Variants in STS observed in about 807,000 individuals in gnomAD.
The protein encoded by STS is steroid sulfatase, also known as steryl-sulfatase.
A neutral mutation model predicts 26.8 loss-of-function variants in STS; 7 were observed. The observed-to-expected ratio is 0.26, with a 90% CI of 0.15 to 0.49. The LOEUF (loss-of-function observed/expected upper bound fraction) is 0.49, where lower values mean the gene tolerates loss of function less well. STS is among the 20% of genes least tolerant of loss of function. The pLI is 0.98. For missense variants in STS, 434 were observed against 465.6 expected, an observed-to-expected ratio of 0.93 and a Z score of 0.63; for synonymous variants, 199 against 189.4, an observed-to-expected ratio of 1.05 and a Z score of -0.42.
intron 2 of STS, among the ~76,000 whole-genome samples, chrX:7,225,261 G>A (rs1481553170): frequency 1.8e-5 from 2 of 111,883 alleles, no homozygotes; most frequent in Non-Finnish European, 3.8e-5. Flanking sequence ...AGAATGGTCT[G>A]ATGTTGTTTC....
chrX:7,319,443 G>A (rs1176871163), intron 8 of STS, among the ~76,000 whole-genome samples: 2 of 110,370 alleles, frequency 1.8e-5, no homozygotes, highest in African/African-American at 6.6e-5. Context: ...TTACAGACAT[G>A]AGCCACTGCA....
chrX:7,203,962 T>C (rs1487835901), intron 2 of STS, among the ~76,000 whole-genome samples: 1 of 110,939 alleles, frequency 9.0e-6, no homozygotes, highest in African/African-American at 3.3e-5. Context: ...TTTTTAACTT[T>C]TTTGTAGAGA....
chrX:7,247,599 C>T (rs1470729849), intron 2 of STS, among the ~76,000 whole-genome samples: 1 of 112,160 alleles, frequency 8.9e-6, no homozygotes, highest in African/African-American at 3.2e-5. Flanking sequence ...TCTCTCATTA[C>T]TGGATGTCTA....
intron 2 of STS, among the ~76,000 whole-genome samples, chrX:7,210,964 A>G (rs979988604): frequency 1.3e-4 from 14 of 111,181 alleles, no homozygotes; most frequent in Middle Eastern, 9.3e-3. Flanking sequence ...GCTACTTAGC[A>G]TGTGCATTAC....
chrX:7,257,268 G>C lies in STS; in HGVS notation c.164G>C (p.Ser55Thr), dbSNP rs763668550. 5.0e-6 allele frequency: 6 copies of C among 1,210,151 alleles called. No individual in the cohort carries two copies. The East Asian group carries it at 1.5e-4, about 30-fold the overall frequency. ...IRTPNIDRLA[S>T]GGVKLTQHLA... is the part of the protein sequence containing the mutation. ...ACTCCCAATATCGACCGGTTGGCCA[G>C]TGGGGGAGTGAAACTCACTCAGCAC... Residue 55 changes from serine (S) to threonine (T), a missense_variant, in exon 4 of 11, where the codon AGT becomes ACT. Ser to Thr is a moderately conservative substitution (Grantham distance 58). Coordinates refer to ENST00000674429, the MANE Select transcript of STS (RefSeq NM_001320752.2).
rs542800226 is a variant in STS at position 7,206,302 on chromosome X, A to C, written c.-5+15294A>C. 1.1e-3 allele frequency among the ~76,000 whole-genome samples: 118 copies of C among 112,044 alleles called. 3 individuals are homozygous for C. In the South Asian group the frequency reaches 0.041, roughly 39 times the overall value. On this transcript the variant is annotated intron_variant, in intron 2 of 10. Transcript: ENST00000674429. ...TGTCTTTTCTCTCCTGTTATCAATC[A>C]CCTTGGCTTTTTGTTCCAGTTCTCT...
rs202020270 is a variant in STS, at chrX:7,308,611, C to CT, written c.1081+3438dup. 8.1e-4 allele frequency among the ~76,000 whole-genome samples: 87 copies of CT among 107,855 alleles called. No homozygotes were observed. In the East Asian group the frequency reaches 9.3e-3, roughly 12 times the overall value. 93.7% of individuals were successfully genotyped at this position (107,855 alleles called of 115,157 possible). ...ATGTCAGGAGCTACTCCATAAATTT[C>CT]TTTTTTTTTTAAAGAAATGTATTTG... On this transcript the variant is annotated intron_variant, in intron 8 of 10. Coordinates refer to ENST00000674429, the MANE Select transcript of STS (RefSeq NM_001320752.2).
intron 2 of STS, among the ~76,000 whole-genome samples, chrX:7,214,844 A>G (rs181850620): frequency 5.7e-5 from 6 of 104,998 alleles, no homozygotes; most frequent in Admixed American, 5.3e-4. Context: ...ATAGTCTCCA[A>G]TCCCATCCAG....
chrX:7,197,051 TA>T (rs1385724533), intron 2 of STS, among the ~76,000 whole-genome samples: 2 of 110,471 alleles, frequency 1.8e-5, no homozygotes, highest in Non-Finnish European at 3.8e-5. Flanking sequence ...GGCTTTCTTT[TA>T]CCCCATCAGG....
chrX:7,241,941 G>A (rs1280822627), intron 2 of STS, among the ~76,000 whole-genome samples: 3 of 109,867 alleles, frequency 2.7e-5, no homozygotes, highest in Admixed American at 9.7e-5. Flanking sequence ...ATTTTTTTTT[G>A]CTGGCTGTTG....
chrX:7,335,928 G>A (rs1927997890), intron 10 of STS, among the ~76,000 whole-genome samples: 1 of 111,525 alleles, frequency 9.0e-6, no homozygotes, highest in Non-Finnish European at 1.9e-5. Flanking sequence ...TAGTTGTGTG[G>A]TCTTATTTCT....
At chrX:7,344,401 C>T (rs1431692140) in intron 10 of STS, among the ~76,000 whole-genome samples, 1 of 111,322 alleles carries the variant, frequency 9.0e-6, no homozygotes, top group African/African-American at 3.3e-5. Context: ...TCTTCCGACA[C>T]GGCCAGAGGT....
At chrX:7,241,793 A>G (rs1276778847) in intron 2 of STS, among the ~76,000 whole-genome samples, 1 of 111,990 alleles carries the variant, frequency 8.9e-6, no homozygotes, top group Non-Finnish European at 1.9e-5. Context: ...CTTAGCTTCT[A>G]CGTCTCTTTC....
At chrX:7,272,916 G>C (rs1924354441) in intron 6 of STS, among the ~76,000 whole-genome samples, 1 of 111,630 alleles carries the variant, frequency 9.0e-6, no homozygotes, top group Non-Finnish European at 1.9e-5. Flanking sequence ...GGAGGCTGAG[G>C]CAGGAGGATC....
At chrX:7,268,871 G>A (rs1031530112) in intron 6 of STS, among the ~76,000 whole-genome samples, 1 of 109,876 alleles carries the variant, frequency 9.1e-6, no homozygotes, top group Non-Finnish European at 1.9e-5. Flanking sequence ...AATATTAGCC[G>A]GGCATGGTGG....
chrX:7,289,262 G>GGTCCCATGGGGCAGCAACAGTGATTTGC (rs1438204472), intron 7 of STS, among the ~76,000 whole-genome samples: 1 of 111,278 alleles, frequency 9.0e-6, no homozygotes, highest in African/African-American at 3.3e-5. Context: ...GGCTTCCCTT[G>GGTCCCATGGGGCAGCAACAGTGATTTGC]GTCCCATGGG....
intron 8 of STS, among the ~76,000 whole-genome samples, chrX:7,318,689 G>C (rs1184481990): frequency 1.8e-5 from 2 of 110,807 alleles, no homozygotes; most frequent in Admixed American, 1.9e-4. Flanking sequence ...GCGTTTCTCG[G>C]GTGTGACAAT....
intron 2 of STS, among the ~76,000 whole-genome samples, chrX:7,214,270 G>A (rs1290216839): frequency 3.6e-5 from 4 of 111,693 alleles, no homozygotes; most frequent in Non-Finnish European, 3.8e-5. Flanking sequence ...GGCCCCCAAT[G>A]CAAAATTAGT....
In STS at chrX:7,330,089, A is replaced by G. The variant is rs535915404; in HGVS notation, c.1242-3897A>G. Among the ~76,000 whole-genome samples the G allele has an allele frequency of 2.1e-4, 23 of 111,690 alleles. No individual in the cohort carries two copies. In the South Asian group the frequency reaches 7.1e-3, roughly 35 times the overall value. Reference sequence around the variant, plus strand: ...CTTATCAGAAGAAATTTCAGTGTCCATCACCCTGGGCATATTCAGAAAAAT... The same window carrying G: ...CTTATCAGAAGAAATTTCAGTGTCCGTCACCCTGGGCATATTCAGAAAAAT... On this transcript the variant is annotated intron_variant, in intron 9 of 10. Coordinates refer to ENST00000674429, the MANE Select transcript of STS (RefSeq NM_001320752.2).
Sources: allele counts gnomAD v4.1 joint callset (sites outside exome capture counted in the v4.1 genomes callset), GRCh38; gene constraint gnomAD v4.1.1; transcripts MANE v1.5; gene names NCBI Gene and HGNC (gene_info 2026-07-23, HGNC 2026-07-21).